LRCH2: variants seen among roughly 807,000 people sequenced by gnomAD.
The protein encoded by LRCH2 is leucine-rich repeat and calponin homology domain-containing protein 2.
Under a neutral mutation model 68.9 loss-of-function variants are expected in LRCH2, and 38 were observed. That is an observed-to-expected ratio of 0.55 (90% CI 0.43 to 0.72). The LOEUF (loss-of-function observed/expected upper bound fraction) is 0.72, where lower values mean the gene tolerates loss of function less well. Ranked by LOEUF, LRCH2 falls within the 30% of genes least tolerant of loss-of-function variation. LRCH2 has a pLI of 0.00. For synonymous variants in LRCH2, 191 were observed against 208.1 expected (o/e 0.92, Z 0.71); for missense variants, 528 against 572.9 (o/e 0.92, Z 0.80).
chrX:115,111,039 A>G lies in LRCH2; in HGVS notation c.*2177T>C, dbSNP rs782582172. ...AATAGCCATAAAAACATTTAGAATA[A>G]ATTTTACACTTAGAAACTACTAAAA... On this transcript the variant is annotated 3_prime_UTR_variant, in exon 21 of 21. Coordinates refer to ENST00000317135, the MANE Select transcript of LRCH2 (RefSeq NM_020871.4). 3 of 111,959 alleles carry G rather than the reference A, an allele frequency of 2.7e-5. No homozygotes were observed. In the East Asian group the frequency reaches 8.4e-4, roughly 32 times the overall value. 9.2% of individuals were successfully genotyped at this position (111,959 alleles called of 1,213,427 possible).
chrX:115,202,473 T>A (rs2072937340), intron 1 of LRCH2, among the ~76,000 whole-genome samples: 1 of 112,014 alleles, frequency 8.9e-6, no homozygotes, highest in African/African-American at 3.2e-5. Context: ...ACTTGACTAC[T>A]ATGCATGTAA....
At chrX:115,228,672 T>C (rs1045036253) in intron 1 of LRCH2, among the ~76,000 whole-genome samples, 16 of 112,044 alleles carry the variant, frequency 1.4e-4, no homozygotes, top group Non-Finnish European at 2.6e-4. Flanking sequence ...TCAGAATTTA[T>C]ATCACAAATA....
intron 15 of LRCH2, among the ~76,000 whole-genome samples, chrX:115,128,296 T>G (rs1379386232): frequency 9.0e-6 from 1 of 111,677 alleles, no homozygotes; most frequent in Non-Finnish European, 1.9e-5. Flanking sequence ...GACAACTAAC[T>G]GTCCCCCAAT....
chrX:115,120,228 C>A (rs1186232194), intron 20 of LRCH2, among the ~76,000 whole-genome samples: 3 of 94,811 alleles, frequency 3.2e-5, no homozygotes, highest in African/African-American at 1.2e-4. Context: ...TCAGAGTGAA[C>A]AGGCAACCTA....
intron 1 of LRCH2, among the ~76,000 whole-genome samples, chrX:115,221,016 A>G (rs1285873703): frequency 1.9e-5 from 2 of 106,390 alleles, no homozygotes; most frequent in African/African-American, 6.9e-5. Context: ...TCTACTAAAA[A>G]TACAAAAAAA....
chrX:115,230,803 A>G (rs2073148070), intron 1 of LRCH2, among the ~76,000 whole-genome samples: 2 of 111,518 alleles, frequency 1.8e-5, no homozygotes, highest in East Asian at 2.8e-4. Flanking sequence ...CAAAGAACAA[A>G]TATTTCTTGA....
intron 1 of LRCH2, among the ~76,000 whole-genome samples, chrX:115,227,315 CAG>C (rs1162448735): frequency 2.8e-5 from 3 of 108,139 alleles, no homozygotes; most frequent in Non-Finnish European, 5.7e-5. Flanking sequence ...AAAAAGTCTC[CAG>C]ATACTGTCAA....
In LRCH2 at chrX:115,135,953, CA is replaced by C. The variant is rs1308579792; in HGVS notation, c.1696-5755del. Among the ~76,000 whole-genome samples the C allele has an allele frequency of 4.5e-5, 5 of 111,786 alleles. No homozygotes were observed. In the East Asian group the frequency reaches 1.4e-3, roughly 32 times the overall value. On this transcript the variant is annotated intron_variant, in intron 14 of 20. Transcript: ENST00000317135. ...CACTTAGATTATAGAACAATGTAAA[CA>C]TAACTTTTATGCACTGGGAAACCAA... is the stretch of plus-strand genomic sequence containing the variant.
chrX:115,201,556 T>C (rs1031593143), intron 1 of LRCH2, among the ~76,000 whole-genome samples: 3 of 111,387 alleles, frequency 2.7e-5, no homozygotes. Context: ...AACCCATGTA[T>C]CATACTGAAT....
At chrX:115,167,874 C>T (rs1375116876) in intron 6 of LRCH2, among the ~76,000 whole-genome samples, 1 of 111,296 alleles carries the variant, frequency 9.0e-6, no homozygotes, top group Non-Finnish European at 1.9e-5. Flanking sequence ...AGCCAAAATT[C>T]ATCTGACTGC....
At chrX:115,138,506 T>C (rs1325026575) in intron 14 of LRCH2, among the ~76,000 whole-genome samples, 4 of 111,638 alleles carry the variant, frequency 3.6e-5, no homozygotes, top group Admixed American at 2.9e-4. Context: ...TCTTTTGTTA[T>C]GGGGTGTCAG....
At chrX:115,223,454 T>TAAA (rs35094815) in intron 1 of LRCH2, among the ~76,000 whole-genome samples, 1,306 of 106,995 alleles carry the variant, frequency 0.012, 20 homozygotes, top group African/African-American at 0.041. Flanking sequence ...ATTTTTTTTT[T>TAAA]AAAAAAACCT....
intron 20 of LRCH2, among the ~76,000 whole-genome samples, chrX:115,113,648 T>C (rs1397211417): frequency 9.0e-6 from 1 of 111,489 alleles, no homozygotes; most frequent in Non-Finnish European, 1.9e-5. Flanking sequence ...ACCACTGCTA[T>C]CTTACATCTA....
chrX:115,215,714 T>A (rs2073037016), intron 1 of LRCH2, among the ~76,000 whole-genome samples: 2 of 96,237 alleles, frequency 2.1e-5, no homozygotes, highest in African/African-American at 8.2e-5. Flanking sequence ...TGAGCCAAGA[T>A]CGCACCACAA....
At chrX:115,132,353 T>G (rs953834692) in intron 14 of LRCH2, among the ~76,000 whole-genome samples, 1 of 111,777 alleles carries the variant, frequency 8.9e-6, no homozygotes, top group Non-Finnish European at 1.9e-5. Flanking sequence ...TTTCCCCATT[T>G]CTTGTTTTTG....
intron 3 of LRCH2, among the ~76,000 whole-genome samples, chrX:115,183,060 G>GCACGCA (rs1287318871): frequency 3.7e-5 from 4 of 108,077 alleles, no homozygotes; most frequent in East Asian, 2.9e-4. Context: ...GCATGCACAC[G>GCACGCA]CACGCACACG....
intron 20 of LRCH2, 27 bp from the exon 21 acceptor site, chrX:115,113,362 C>T: frequency 1.8e-6 from 2 of 1,114,094 alleles, no homozygotes; most frequent in Non-Finnish European, 2.4e-6. Flanking sequence ...GATATTTGAA[C>T]ATTCATTTTT....
At chrX:115,153,817 T>C (rs2072452271) in intron 12 of LRCH2, among the ~76,000 whole-genome samples, 1 of 110,512 alleles carries the variant, frequency 9.0e-6, no homozygotes, top group Non-Finnish European at 1.9e-5. Flanking sequence ...CAAAAATTTT[T>C]AAATATAATT....
At position 115,185,094 on chromosome X, in the gene LRCH2, G is replaced by A. The variant is rs1231292749; in HGVS notation, c.495-557C>T. Among the ~76,000 whole-genome samples, 6 of 112,269 alleles carry A rather than the reference G, an allele frequency of 5.3e-5. 1 individual carries two copies. The highest frequency in any genetic ancestry group is 1.1e-4 in the Non-Finnish European group (6 of 53,319). ...ACCCATTCCCTTTTAAGGTTTAACAGCCTATTAGCACCTTTATCTCAGCTC... is the reference window on the plus strand; with the variant it reads ...ACCCATTCCCTTTTAAGGTTTAACAACCTATTAGCACCTTTATCTCAGCTC... On this transcript the variant is annotated intron_variant, in intron 2 of 20. Coordinates refer to ENST00000317135, the MANE Select transcript of LRCH2 (RefSeq NM_020871.4).
Sources: gnomAD v4.1 joint callset for allele counts (sites outside exome capture counted in the v4.1 genomes callset) on GRCh38, gnomAD v4.1.1 for gene constraint, MANE v1.5 for transcripts, NCBI Gene and HGNC (gene_info 2026-07-23, HGNC 2026-07-21) for gene names.